Variants in GORAB observed in about 807,000 individuals in gnomAD.
GORAB encodes the protein RAB6-interacting golgin.
Under a neutral mutation model 29.9 loss-of-function variants are expected in GORAB, and 17 were observed. The ratio of observed to expected loss-of-function variants is 0.57; its 90% CI spans 0.39 to 0.85. GORAB has a LOEUF of 0.85. Among genes scored for constraint, GORAB ranks in the 40% least tolerant of loss-of-function variants. The pLI is 0.00. For missense variants in GORAB, 442 were observed against 437.8 expected, an observed-to-expected ratio of 1.01 and a Z score of -0.09; for synonymous variants, 183 against 157.2, an observed-to-expected ratio of 1.16 and a Z score of -1.23.
chr1:170,537,151 GTCTC>G (rs1418481881), intron 1 of GORAB, among the ~76,000 whole-genome samples: 2 of 139,798 alleles, frequency 1.4e-5, no homozygotes, highest in Non-Finnish European at 1.6e-5. Flanking sequence ...TTTCTTCTTT[GTCTC>G]TCTTTCTTTT....
chr1:170,552,274 G>A lies in GORAB; in HGVS notation c.922G>A (p.Glu308Lys), dbSNP rs1269043222. ...ATCAAGGAGACCAGTGGTTCGTTTA[G>A]AGAGGCCATTTCAGCCTGCGGAGGA... ...VESRRPVVRL[E>K]RPFQPAEESV... Residue 308 changes from glutamate to lysine, a missense_variant, in exon 5 of 5, where the codon GAG (glutamate) becomes AAG (lysine). Physicochemically the swap from Glu to Lys is moderately conservative, Grantham distance 56. Coordinates refer to ENST00000367763, the MANE Select transcript of GORAB (RefSeq NM_152281.3). The A allele has an allele frequency of 6.2e-7, 1 of 1,614,010 alleles. No homozygotes were observed. The highest frequency in any genetic ancestry group is 1.3e-5 in the African/African-American group (1 of 74,934).
At chr1:170,534,440 G>A (rs995183743) in intron 1 of GORAB, among the ~76,000 whole-genome samples, 3 of 152,080 alleles carry the variant, frequency 2.0e-5, no homozygotes, top group Non-Finnish European at 4.4e-5. Flanking sequence ...ACTTGAGTAT[G>A]CACAGATTTT....
In GORAB at chr1:170,552,380, G is replaced by A; in HGVS notation, c.1028G>A (p.Gly343Glu). The change falls in exon 5 of 5, where the codon GGA becomes GAA. Residue 343 changes from glycine to glutamate, a missense_variant. Transcript: ENST00000367763. ...AVSPKVDDQC[G>E]NSSSIPFLSP... ...TCCCCAAAGGTAGATGACCAGTGTGGAAATTCCAGTAGCATCCCCTTTCTT... is the reference window on the plus strand; with the variant it reads ...TCCCCAAAGGTAGATGACCAGTGTGAAAATTCCAGTAGCATCCCCTTTCTT... The A allele has an allele frequency of 3.7e-6, 6 of 1,614,092 alleles. No homozygotes were observed. The highest frequency in any genetic ancestry group is 4.2e-6 in the Non-Finnish European group (5 of 1,179,974).
rs143057449 is a variant in GORAB at position 170,552,494 on chromosome 1, T to C, written c.*32T>C. Reference sequence around the variant, plus strand: ...GGTATTCTTTTGAGCTAATATGGTATTGAGTAAAGTATACTTTTTGCAGTA... The same window carrying C: ...GGTATTCTTTTGAGCTAATATGGTACTGAGTAAAGTATACTTTTTGCAGTA... On this transcript the variant is annotated 3_prime_UTR_variant, in exon 5 of 5. Coordinates refer to ENST00000367763, the MANE Select transcript of GORAB (RefSeq NM_152281.3). 15 of 1,562,092 alleles carry C rather than the reference T, an allele frequency of 9.6e-6. No individual in the cohort carries two copies. Among genetic ancestry groups the C allele is most frequent in the Middle Eastern group, 1.7e-4 (1 of 5,960 alleles).
chr1:170,551,182 T>G (rs1650083183), intron 4 of GORAB, among the ~76,000 whole-genome samples: 2 of 152,234 alleles, frequency 1.3e-5, no homozygotes, highest in South Asian at 4.1e-4. Context: ...TGGGGACATT[T>G]TTGGTTGTCA....
intron 3 of GORAB, 43 bp downstream of exon 3, chr1:170,542,635 C>T (rs1344007607): frequency 8.3e-7 from 1 of 1,203,504 alleles, no homozygotes; most frequent in Admixed American, 1.7e-5. Context: ...AACCTGTAAC[C>T]AGTTGTGTCA....
chr1:170,544,362 A>G (rs906818390), intron 3 of GORAB, among the ~76,000 whole-genome samples: 9 of 152,344 alleles, frequency 5.9e-5, no homozygotes, highest in Non-Finnish European at 1.2e-4. Context: ...AGAATTAAAG[A>G]CTAGAAATTT....
intron 4 of GORAB, among the ~76,000 whole-genome samples, chr1:170,547,427 GCTGCTACT>G (rs1477250085): frequency 6.6e-6 from 1 of 151,692 alleles, no homozygotes; most frequent in Non-Finnish European, 1.5e-5. Context: ...TGCTGCTACT[GCTGCTACT>G]GCTGCTACTG....
chr1:170,551,924 T>C lies in GORAB; in HGVS notation c.663-91T>C. 5.4e-6 allele frequency: 6 copies of C among 1,111,524 alleles called. No homozygotes were observed. In the South Asian group the frequency reaches 7.9e-5, roughly 15 times the overall value. 68.9% of individuals were successfully genotyped at this position (1,111,524 alleles called of 1,614,324 possible). Reference sequence around the variant, plus strand: ...ATCTTCATTATATATTTTTTCCCAATTTTGGAGTTGAGTTATTGTTTCTAG... The same window carrying C: ...ATCTTCATTATATATTTTTTCCCAACTTTGGAGTTGAGTTATTGTTTCTAG... On this transcript the variant is annotated intron_variant, in intron 4 of 4. Coordinates refer to ENST00000367763, the MANE Select transcript of GORAB (RefSeq NM_152281.3).
At chr1:170,534,294 A>G (rs774522952) in intron 1 of GORAB, among the ~76,000 whole-genome samples, 5 of 152,220 alleles carry the variant, frequency 3.3e-5, no homozygotes, top group Non-Finnish European at 7.3e-5. Flanking sequence ...GCCCTTGAAC[A>G]ACACAAGTTT....
intron 4 of GORAB, among the ~76,000 whole-genome samples, chr1:170,549,034 C>T (rs1234283530): frequency 2.0e-5 from 3 of 151,956 alleles, no homozygotes; most frequent in Admixed American, 6.6e-5. Context: ...AAAGTGGACC[C>T]GTGGAACCCA....
At position 170,532,244 on chromosome 1, in the gene GORAB, A is replaced by C. The variant is rs7531125; in HGVS notation, c.21A>C (p.Gly7=). Reference sequence around the variant, plus strand: ...GGCCGATGGCGCAAGGTTGGGCAGGATTCTCTGAGGAGGAACTGAGGAGAC... The same window carrying C: ...GGCCGATGGCGCAAGGTTGGGCAGGCTTCTCTGAGGAGGAACTGAGGAGAC... The part of the protein sequence containing the change: MAQGWA[G]FSEEELRRLK... The change falls in exon 1 of 5, where the codon GGA becomes GGC. Residue 7 remains glycine (G), a synonymous_variant. Coordinates refer to ENST00000367763, the MANE Select transcript of GORAB (RefSeq NM_152281.3). 0.99 allele frequency: 1,594,086 copies of C among 1,614,004 alleles called. 788,775 individuals carry two copies. Among genetic ancestry groups the C allele is most frequent in the East Asian group, 1 (44,857 of 44,860 alleles).
intron 2 of GORAB, among the ~76,000 whole-genome samples, chr1:170,541,933 C>T (rs1417449555): frequency 1.3e-5 from 2 of 151,494 alleles, no homozygotes; most frequent in African/African-American, 4.9e-5. Flanking sequence ...GGTAATATAG[C>T]GACACCCTGT....
Position 170,545,011 on chromosome 1 carries a change from G to A in GORAB, c.662+166G>A, listed in dbSNP as rs74123239. The A allele has an allele frequency of 9.6e-4, 1,302 of 1,359,114 alleles. 7 individuals are homozygous for A. The African/African-American group carries it at 0.018, about 18-fold the overall frequency. 84.2% of individuals were successfully genotyped at this position (1,359,114 alleles called of 1,614,324 possible). ...CTAATTCAAGTGTCTCCTCTTCAGT[G>A]AAGTCTTCCTTAACTCTGCCCTACT... On this transcript the variant is annotated intron_variant, in intron 4 of 4. Transcript: ENST00000367763.
intron 2 of GORAB, 58 bp from the exon 3 acceptor site, chr1:170,542,433 A>T: frequency 1.0e-6 from 1 of 962,976 alleles, no homozygotes; most frequent in Non-Finnish European, 1.7e-6. Flanking sequence ...GGTGTTGGAT[A>T]GGGTAGCAGT....
chr1:170,551,450 C>A (rs1280944523), intron 4 of GORAB, among the ~76,000 whole-genome samples: 2 of 152,174 alleles, frequency 1.3e-5, no homozygotes, highest in Non-Finnish European at 2.9e-5. Context: ...TATCTTTCTC[C>A]ATCAGAATTT....
At chr1:170,532,431 T>C (rs542296862) in intron 1 of GORAB, 147 bp downstream of exon 1, 1 of 858,978 alleles carries the variant, frequency 1.2e-6, no homozygotes, top group Admixed American at 2.0e-5. Context: ...ATTAGGGGGT[T>C]TCAGAGGAGG....
In GORAB at chr1:170,549,361, C is replaced by T. The variant is rs532017522; in HGVS notation, c.663-2654C>T. On this transcript the variant is annotated intron_variant, in intron 4 of 4. Transcript: ENST00000367763. ...ATCACTCTGTGGGAGAATATATATT[C>T]GTATTTCTGGCCAGAAGGACTTTAA... Among the ~76,000 whole-genome samples the T allele has an allele frequency of 4.0e-4, 61 of 152,192 alleles. No homozygotes were observed. In the South Asian group the frequency reaches 7.3e-3, roughly 18 times the overall value.
intron 3 of GORAB, 113 bp from the exon 4 acceptor site, chr1:170,544,592 T>C (rs1649638269): frequency 1.4e-6 from 1 of 726,366 alleles, no homozygotes; most frequent in Non-Finnish European, 2.1e-6. Context: ...TTCTAACTTT[T>C]AAAATATAAA....
Sources: gnomAD v4.1 joint callset for allele counts (sites outside exome capture counted in the v4.1 genomes callset) on GRCh38, gnomAD v4.1.1 for gene constraint, MANE v1.5 for transcripts, NCBI Gene and HGNC (gene_info 2026-07-23, HGNC 2026-07-21) for gene names.